ZRANB3: variants seen among roughly 807,000 people sequenced by gnomAD.
ZRANB3 encodes the protein DNA annealing helicase and endonuclease ZRANB3.
In ZRANB3, 125 loss-of-function variants were observed where a neutral mutation model predicts 133.8. The observed-to-expected ratio is 0.93, with a 90% CI of 0.81 to 1.08. ZRANB3 has a LOEUF of 1.08. ZRANB3 is among the 50% of genes least tolerant of loss of function. The pLI is 0.00. For synonymous variants in ZRANB3, 387 were observed against 432.7 expected (o/e 0.89, Z 1.31); for missense variants, 1,229 against 1,275.5 (o/e 0.96, Z 0.56).
At chr2:135,496,333 A>G (rs563403945) in intron 2 of ZRANB3, among the ~76,000 whole-genome samples, 15 of 150,338 alleles carry the variant, frequency 1.0e-4, no homozygotes, top group African/African-American at 3.4e-4. Flanking sequence ...GCAGTGAGCC[A>G]AGATGGCACC....
At chr2:135,429,297 T>G (rs1014801906) in intron 2 of ZRANB3, among the ~76,000 whole-genome samples, 1 of 152,036 alleles carries the variant, frequency 6.6e-6, no homozygotes, top group Non-Finnish European at 1.5e-5. Context: ...GAAAACCAAG[T>G]GCCACATATT....
intron 8 of ZRANB3, among the ~76,000 whole-genome samples, chr2:135,291,659 T>G (rs1243791492): frequency 1.3e-5 from 2 of 152,088 alleles, no homozygotes; most frequent in Non-Finnish European, 2.9e-5. Flanking sequence ...GTTTGTTACA[T>G]ATGTACACAT....
At chr2:135,486,052 C>T (rs1295793215) in intron 2 of ZRANB3, among the ~76,000 whole-genome samples, 4 of 152,112 alleles carry the variant, frequency 2.6e-5, no homozygotes, top group Non-Finnish European at 4.4e-5. Context: ...TTTACCTCGA[C>T]GATTGTTGAT....
At chr2:135,489,612 T>C (rs1692287073) in intron 2 of ZRANB3, among the ~76,000 whole-genome samples, 1 of 151,782 alleles carries the variant, frequency 6.6e-6, no homozygotes, top group African/African-American at 2.4e-5. Context: ...AAATAAAATG[T>C]GAACTTACAG....
chr2:135,417,494 C>G (rs982700979), intron 2 of ZRANB3, among the ~76,000 whole-genome samples: 1 of 152,126 alleles, frequency 6.6e-6, no homozygotes, highest in Admixed American at 6.5e-5. Flanking sequence ...GAAATAGGAA[C>G]ACTTTTACAC....
chr2:135,369,342 T>C (rs1686069623), intron 3 of ZRANB3, among the ~76,000 whole-genome samples: 1 of 152,170 alleles, frequency 6.6e-6, no homozygotes, highest in African/African-American at 2.4e-5. Flanking sequence ...TTGCCATCAT[T>C]ACAAATATAT....
chr2:135,480,552 G>A (rs931492571), intron 2 of ZRANB3, among the ~76,000 whole-genome samples: 2 of 151,960 alleles, frequency 1.3e-5, no homozygotes, highest in Admixed American at 6.6e-5. Context: ...AAATTACTAT[G>A]AAATCTTCTC....
chr2:135,412,047 G>C (rs761406258), intron 2 of ZRANB3, among the ~76,000 whole-genome samples: 1 of 152,146 alleles, frequency 6.6e-6, no homozygotes, highest in African/African-American at 2.4e-5. Context: ...CACTGTGCTT[G>C]ATGCTCAAAG....
chr2:135,321,278 C>G (rs1483166133), intron 6 of ZRANB3, among the ~76,000 whole-genome samples: 2 of 152,130 alleles, frequency 1.3e-5, no homozygotes, highest in East Asian at 3.9e-4. Flanking sequence ...GCAGAAAGTT[C>G]CAGTTGTTCG....
At chr2:135,269,491 G>C (rs796377771) in intron 10 of ZRANB3, among the ~76,000 whole-genome samples, 12 of 152,132 alleles carry the variant, frequency 7.9e-5, no homozygotes, top group African/African-American at 2.9e-4. Context: ...TCCAACATAT[G>C]GTATCTATAG....
At chr2:135,386,012 A>G (rs1021355665) in intron 3 of ZRANB3, among the ~76,000 whole-genome samples, 2 of 152,252 alleles carry the variant, frequency 1.3e-5, no homozygotes, top group African/African-American at 4.8e-5. Context: ...TAAAGTAAAG[A>G]TCCTCTGCAA....
At chr2:135,319,345 T>TA (rs1683411558) in intron 6 of ZRANB3, among the ~76,000 whole-genome samples, 3 of 152,242 alleles carry the variant, frequency 2.0e-5, no homozygotes, top group African/African-American at 4.8e-5. Flanking sequence ...GTCCACTGCT[T>TA]ATGCTTTGAC....
rs1186236833 is a variant in ZRANB3, at chr2:135,224,458, T to C, written c.2218A>G (p.Arg740Gly). 3 of 1,613,380 alleles carry C rather than the reference T, an allele frequency of 1.9e-6. No homozygotes were observed. In the African/African-American group the frequency reaches 4.0e-5, roughly 22 times the overall value. Residue 740 changes from arginine to glycine, a missense_variant, in exon 15 of 21, where the codon AGG (arginine) becomes GGG (glycine). Coordinates refer to ENST00000264159, the MANE Select transcript of ZRANB3 (RefSeq NM_032143.4). Reference sequence around the variant, plus strand: ...TAGATGTGAATCCGGTCAGTATTCCTACTTGCACAGAACATTAAGGTGTCA... The same window carrying C: ...TAGATGTGAATCCGGTCAGTATTCCCACTTGCACAGAACATTAAGGTGTCA... ...VYDTLMFCASRNTDRIHIYTK... is the reference protein window; with the variant it reads ...VYDTLMFCASGNTDRIHIYTK...
At chr2:135,517,897 A>G (rs1449726231) in intron 1 of ZRANB3, among the ~76,000 whole-genome samples, 1 of 152,190 alleles carries the variant, frequency 6.6e-6, no homozygotes, top group Non-Finnish European at 1.5e-5. Flanking sequence ...TCCCAGGAAG[A>G]TGGGAATTTT....
At chr2:135,282,017 A>G (rs568951986) in intron 8 of ZRANB3, among the ~76,000 whole-genome samples, 19 of 152,328 alleles carry the variant, frequency 1.2e-4, no homozygotes, top group Admixed American at 6.5e-4. Flanking sequence ...TCCATGTTGT[A>G]GCATACATCA....
chr2:135,205,445 GT>G (rs1053517933), intron 19 of ZRANB3, among the ~76,000 whole-genome samples: 4 of 151,724 alleles, frequency 2.6e-5, no homozygotes, highest in Admixed American at 1.3e-4. Context: ...AATTTTTCAG[GT>G]TTTTTTTCTT....
At chr2:135,229,252 C>A (rs1344016947) in intron 13 of ZRANB3, among the ~76,000 whole-genome samples, 2 of 152,154 alleles carry the variant, frequency 1.3e-5, no homozygotes, top group African/African-American at 4.8e-5. Flanking sequence ...GAAGACTCAG[C>A]TCCTCCCTAC....
At chr2:135,302,759 C>T (rs1047152005) in intron 8 of ZRANB3, among the ~76,000 whole-genome samples, 10 of 152,096 alleles carry the variant, frequency 6.6e-5, no homozygotes, top group Non-Finnish European at 7.4e-5. Context: ...CTCCTGACCT[C>T]GTGATCTGCC....
At chr2:135,416,212 T>C (rs1379042993) in intron 2 of ZRANB3, among the ~76,000 whole-genome samples, 1 of 151,564 alleles carries the variant, frequency 6.6e-6, no homozygotes, top group Non-Finnish European at 1.5e-5. Context: ...GAAAACCCCA[T>C]CGTCTCAGCC....
Sources: allele counts gnomAD v4.1 joint callset (sites outside exome capture counted in the v4.1 genomes callset), GRCh38; gene constraint gnomAD v4.1.1; transcripts MANE v1.5; gene names NCBI Gene and HGNC (gene_info 2026-07-23, HGNC 2026-07-21).